ATXN10: variants seen among roughly 807,000 people sequenced by gnomAD.
ATXN10 encodes ataxin-10.
Under a neutral mutation model 52.9 loss-of-function variants are expected in ATXN10, and 28 were observed. That is an observed-to-expected ratio of 0.53 (90% CI 0.39 to 0.73). The LOEUF (loss-of-function observed/expected upper bound fraction) is 0.73. Ranked by LOEUF, ATXN10 falls within the 30% of genes least tolerant of loss-of-function variation. The probability of loss-of-function intolerance (pLI) is 0.00; values close to 1 mark genes in which losing one functional copy is unlikely to be tolerated. For missense variants in ATXN10, 565 were observed against 577.0 expected (o/e 0.98, Z 0.21); for synonymous variants, 226 against 221.5 (o/e 1.02, Z -0.18).
At chr22:45,747,962 G>A (rs1048697268) in intron 9 of ATXN10, among the ~76,000 whole-genome samples, 1 of 151,668 alleles carries the variant, frequency 6.6e-6, no homozygotes, top group Non-Finnish European at 1.5e-5. Flanking sequence ...ACTTGGTGGG[G>A]CCAAGGCAGG....
intron 10 of ATXN10, among the ~76,000 whole-genome samples, chr22:45,812,940 G>A (rs1235573907): frequency 6.6e-6 from 1 of 152,186 alleles, no homozygotes; most frequent in Non-Finnish European, 1.5e-5. Flanking sequence ...GTAGGGGATG[G>A]GGCTGGAAGG....
At chr22:45,758,600 CTCTGACAGCT>C (rs1469933513) in intron 9 of ATXN10, among the ~76,000 whole-genome samples, 1 of 152,216 alleles carries the variant, frequency 6.6e-6, no homozygotes. Context: ...ATGTTTCATG[CTCTGACAGCT>C]ATCTTTAAGA....
At chr22:45,806,874 A>ACAATATAAACACAATAT (rs1320019008) in intron 9 of ATXN10, 85 bp from the exon 10 acceptor site, 1 of 1,068,400 alleles carries the variant, frequency 9.4e-7, no homozygotes, top group Admixed American at 1.7e-5. Flanking sequence ...ATTGAGTAAG[A>ACAATATAAACACAATAT]AAACACAAAA....
intron 10 of ATXN10, among the ~76,000 whole-genome samples, chr22:45,810,341 C>T (rs1379187554): frequency 6.6e-6 from 1 of 152,188 alleles, no homozygotes; most frequent in African/African-American, 2.4e-5. Flanking sequence ...AAGGATAAGT[C>T]AGTTCTTCCA....
intron 9 of ATXN10, among the ~76,000 whole-genome samples, chr22:45,748,133 C>T (rs553773707): frequency 6.6e-5 from 10 of 151,746 alleles, no homozygotes; most frequent in Non-Finnish European, 1.0e-4. Context: ...GAGCCGTGAT[C>T]GTGCCACTGC....
At chr22:45,810,701 G>A (rs1928253347) in intron 10 of ATXN10, among the ~76,000 whole-genome samples, 1 of 152,084 alleles carries the variant, frequency 6.6e-6, no homozygotes, top group Non-Finnish European at 1.5e-5. Flanking sequence ...CCATTGCATG[G>A]ATTTTTGTAT....
At chr22:45,817,441 C>T (rs35104297) in intron 10 of ATXN10, among the ~76,000 whole-genome samples, 1 of 151,106 alleles carries the variant, frequency 6.6e-6, no homozygotes, top group East Asian at 2.0e-4. Flanking sequence ...TCTTGTGCTT[C>T]ACCCTCTCTA....
At chr22:45,794,546 A>G (rs1721377346) in intron 9 of ATXN10, among the ~76,000 whole-genome samples, 1 of 151,946 alleles carries the variant, frequency 6.6e-6, no homozygotes, top group Non-Finnish European at 1.5e-5. Context: ...GGTTTTGGCT[A>G]ATCTTCTCTG....
In ATXN10 at chr22:45,824,660, A is replaced by G. The variant is rs1415462899; in HGVS notation, c.1237+17638A>G. Among the ~76,000 whole-genome samples, 2 of 152,262 alleles carry G rather than the reference A, an allele frequency of 1.3e-5. No homozygotes were observed. The highest frequency in any genetic ancestry group is 2.1e-4 in the South Asian group (1 of 4,836). The stretch of plus-strand genomic sequence containing the variant: ...TTACAAAGTGCAGTAAACACATCAC[A>G]TATCCATGGGTATATGGTGGCAGCT... On this transcript the variant is annotated intron_variant, in intron 10 of 11. Transcript: ENST00000252934. The surrounding 1 kb of genome is among the most constrained non-coding windows in gnomAD (Gnocchi z 5.2).
intron 9 of ATXN10, among the ~76,000 whole-genome samples, chr22:45,778,874 T>G (rs2146850836): frequency 6.6e-6 from 1 of 152,320 alleles, no homozygotes; most frequent in East Asian, 1.9e-4. Context: ...AATTTGATAT[T>G]TGTACAAAAA....
intron 2 of ATXN10, 92 bp downstream of exon 2, chr22:45,689,995 G>A: frequency 7.3e-7 from 1 of 1,366,916 alleles, no homozygotes; most frequent in Non-Finnish European, 1.0e-6. Flanking sequence ...GTTTTGGGCT[G>A]GGTAAGGTGG....
At chr22:45,803,846 G>A (rs1928010998) in intron 9 of ATXN10, among the ~76,000 whole-genome samples, 1 of 151,818 alleles carries the variant, frequency 6.6e-6, no homozygotes, top group Non-Finnish European at 1.5e-5. Flanking sequence ...TCTCAGGTGG[G>A]GTCATTACCA....
rs1408773082 is a variant in ATXN10, at chr22:45,705,662, C to T, written c.647+2815C>T. ...TCTTGGCCAGGTTGGTATTGAACTC[C>T]TAATCTCATGAGCCACCTGCCTCAG... On this transcript the variant is annotated intron_variant, in intron 5 of 11. Transcript: ENST00000252934. This position sits in a 1 kb window ranked among gnomAD's most constrained non-coding sequence, Gnocchi z 5.2. Among the ~76,000 whole-genome samples the T allele has an allele frequency of 5.3e-5, 8 of 152,054 alleles. No homozygotes were observed.
chr22:45,740,729 CACACACACACGTGTGTGTGTGTGTGT>C lies in ATXN10; in HGVS notation c.1173+193_1173+218del, dbSNP rs1569044518. Reference sequence around the variant, plus strand: ...ACACACACACACACACATATATATACACACACACACGTGTGTGTGTGTGTGTATATATATATATGTATATGTTAATA... The same window carrying C: ...ACACACACACACACACATATATATACATATATATATATGTATATGTTAATA... On this transcript the variant is annotated intron_variant, in intron 9 of 11. Coordinates refer to ENST00000252934, the MANE Select transcript of ATXN10 (RefSeq NM_013236.4). 4.5e-5 allele frequency: 16 copies of C among 353,948 alleles called. 2 individuals carry two copies. The highest frequency in any genetic ancestry group is 1.2e-4 in the African/African-American group (5 of 40,260). 21.9% of individuals were successfully genotyped at this position (353,948 alleles called of 1,614,324 possible). A position where few individuals can be genotyped will look rare whatever the true frequency, so the allele number is the denominator to read the frequency against.
At chr22:45,726,300 G>GTT (rs200658716) in intron 6 of ATXN10, among the ~76,000 whole-genome samples, 1 of 151,804 alleles carries the variant, frequency 6.6e-6, no homozygotes, top group African/African-American at 2.4e-5. Context: ...TGGGTTTTTT[G>GTT]TTTTTTTGGC....
intron 9 of ATXN10, among the ~76,000 whole-genome samples, chr22:45,760,154 A>G (rs1926331440): frequency 6.6e-6 from 1 of 152,170 alleles, no homozygotes; most frequent in Admixed American, 6.5e-5. Flanking sequence ...CTGGTGGCCT[A>G]GCTCAACTGT....
intron 7 of ATXN10, among the ~76,000 whole-genome samples, chr22:45,730,626 G>A (rs865869500): frequency 7.9e-5 from 12 of 152,152 alleles, no homozygotes; most frequent in African/African-American, 2.7e-4. Flanking sequence ...TGGTAGAGAC[G>A]GGGTTTCGGC....
chr22:45,795,622 T>C lies in ATXN10; in HGVS notation c.1174-11337T>C, dbSNP rs2146871876. Among the ~76,000 whole-genome samples the C allele has an allele frequency of 6.6e-6, 1 of 152,288 alleles. No individual in the cohort carries two copies. Among genetic ancestry groups the C allele is most frequent in the African/African-American group, 2.4e-5 (1 of 41,564 alleles). ...CGGTGTTTCGGGAAGTCAGGGACCC[T>C]GAACGGAGGGACTGGCTGAAGCCAT... On this transcript the variant is annotated intron_variant, in intron 9 of 11. Coordinates refer to ENST00000252934, the MANE Select transcript of ATXN10 (RefSeq NM_013236.4). This position sits in a 1 kb window ranked among gnomAD's most constrained non-coding sequence, Gnocchi z 4.6.
At chr22:45,797,461 CAT>C (rs1373945006) in intron 9 of ATXN10, among the ~76,000 whole-genome samples, 14 of 152,218 alleles carry the variant, frequency 9.2e-5, no homozygotes, top group Non-Finnish European at 1.5e-5. Flanking sequence ...AAATAACCCA[CAT>C]GTCATAGACA....
Sources: gnomAD v4.1 joint callset for allele counts (sites outside exome capture counted in the v4.1 genomes callset) on GRCh38, gnomAD v4.1.1 for gene constraint, Gnocchi (gnomAD v3.1) non-coding constraint, MANE v1.5 for transcripts, NCBI Gene and HGNC (gene_info 2026-07-23, HGNC 2026-07-21) for gene names.